Variants in SAMMSON observed in about 807,000 individuals in gnomAD.
The protein encoded by SAMMSON is survival associated mitochondrial melanoma specific oncogenic non-coding RNA.
At chr3:70,224,668 CA>C (rs944473142) in intron 4 of SAMMSON, among the ~76,000 whole-genome samples, 5 of 152,106 alleles carry the variant, frequency 3.3e-5, no homozygotes, top group African/African-American at 1.2e-4. Flanking sequence ...CTTGGGAATC[CA>C]CTCTCTGAGA....
intron 4 of SAMMSON, among the ~76,000 whole-genome samples, chr3:70,155,213 CT>C (rs2067587464): frequency 6.6e-6 from 1 of 151,888 alleles, no homozygotes; most frequent in Non-Finnish European, 1.5e-5. Flanking sequence ...TCAAGGGTCC[CT>C]AGGGGCCTTT....
At chr3:70,389,067 G>A (rs773035584) in intron 9 of SAMMSON, among the ~76,000 whole-genome samples, 11 of 151,946 alleles carry the variant, frequency 7.2e-5, no homozygotes, top group Non-Finnish European at 1.6e-4. Flanking sequence ...TTCCTCTCTT[G>A]CCGTGGGACC....
At chr3:70,399,846 C>G (rs1481533646) in intron 2 of SAMMSON, among the ~76,000 whole-genome samples, 2 of 147,524 alleles carry the variant, frequency 1.4e-5, no homozygotes, top group African/African-American at 2.5e-5. Flanking sequence ...CAGAGCAAGA[C>G]TCTGACTCAA....
intron 4 of SAMMSON, among the ~76,000 whole-genome samples, chr3:70,175,178 T>C (rs950092811): frequency 2.6e-5 from 4 of 152,108 alleles, no homozygotes; most frequent in African/African-American, 9.6e-5. Flanking sequence ...GCTAATGATA[T>C]GAATATAGGT....
intron 2 of SAMMSON, among the ~76,000 whole-genome samples, chr3:70,405,155 A>G (rs1575642548): frequency 1.3e-5 from 2 of 152,328 alleles, no homozygotes; most frequent in East Asian, 3.9e-4. Context: ...GGCATTTGGT[A>G]GATACCAAAT....
At chr3:70,131,750 T>C (rs1234500484) in intron 4 of SAMMSON, among the ~76,000 whole-genome samples, 1 of 151,982 alleles carries the variant, frequency 6.6e-6, no homozygotes, top group Non-Finnish European at 1.5e-5. Context: ...CCAGCTAGTT[T>C]TTTTGATTTT....
intron 6 of SAMMSON, among the ~76,000 whole-genome samples, chr3:70,268,862 C>T (rs1180294620): frequency 6.6e-6 from 1 of 152,000 alleles, no homozygotes; most frequent in Middle Eastern, 3.2e-3. Context: ...TTTATAAAAT[C>T]TCAGTTTATG....
At chr3:70,147,930 T>TA (rs909005457) in intron 4 of SAMMSON, among the ~76,000 whole-genome samples, 6 of 152,026 alleles carry the variant, frequency 3.9e-5, no homozygotes, top group Admixed American at 2.6e-4. Flanking sequence ...CCTGAATTTA[T>TA]AAAAAACCCT....
intron 4 of SAMMSON, among the ~76,000 whole-genome samples, chr3:70,158,699 G>A (rs1244852150): frequency 2.0e-5 from 3 of 152,002 alleles, no homozygotes; most frequent in African/African-American, 7.2e-5. Context: ...GCTTGTAACT[G>A]TAAATCCACA....
chr3:70,062,866 A>G (rs1211859226), intron 3 of SAMMSON, among the ~76,000 whole-genome samples: 8 of 152,114 alleles, frequency 5.3e-5, no homozygotes, highest in Admixed American at 5.2e-4. Context: ...GTCCAAAGTG[A>G]GCAGTTAGTA....
At chr3:70,213,733 T>G (rs1701373175) in intron 4 of SAMMSON, among the ~76,000 whole-genome samples, 2 of 152,154 alleles carry the variant, frequency 1.3e-5, no homozygotes, top group Non-Finnish European at 2.9e-5. Flanking sequence ...TTATACTCTC[T>G]GCAGCTTGGT....
At chr3:70,372,927 C>A (rs1025251396) in intron 9 of SAMMSON, among the ~76,000 whole-genome samples, 1 of 152,066 alleles carries the variant, frequency 6.6e-6, no homozygotes, top group Admixed American at 6.6e-5. Context: ...CTTTTAAGTT[C>A]TATTATTTTT....
chr3:70,410,594 A>C (rs1701210398), intron 2 of SAMMSON, among the ~76,000 whole-genome samples: 1 of 152,212 alleles, frequency 6.6e-6, no homozygotes, highest in Admixed American at 6.5e-5. Flanking sequence ...TCTTTACTGC[A>C]AGATTTTTTT....
rs75646261 is a variant in SAMMSON at position 70,241,534 on chromosome 3, A to T, written n.508-7573A>T. Among the ~76,000 whole-genome samples the T allele has an allele frequency of 6.8e-3, 1,035 of 152,240 alleles. 60 individuals carry two copies. In the East Asian group the frequency reaches 0.15, roughly 21 times the overall value. ...CCCTTTATTTTTATTATCACACTTG[A>T]ATCCTCATAACATTGCTAAAGGTAT... On this transcript the variant is annotated intron_variant and non_coding_transcript_variant, in intron 4 of 9. Transcript: ENST00000642114.
intron 3 of SAMMSON, among the ~76,000 whole-genome samples, chr3:70,046,020 A>T: frequency 6.6e-6 from 1 of 152,154 alleles, no homozygotes; most frequent in Non-Finnish European, 1.5e-5. Flanking sequence ...GGCAATTTTT[A>T]AAATGCAAGT....
chr3:70,386,973 T>A (rs1448249097), intron 9 of SAMMSON, among the ~76,000 whole-genome samples: 1 of 152,186 alleles, frequency 6.6e-6, no homozygotes, highest in East Asian at 1.9e-4. Context: ...GATGCCTTGG[T>A]CAGATCCCCA....
In SAMMSON at chr3:70,313,715, G is replaced by A. The variant is rs540528453; in HGVS notation, n.739+22472G>A. On this transcript the variant is annotated intron_variant and non_coding_transcript_variant, in intron 7 of 9. Transcript: ENST00000642114. Reference sequence around the variant, plus strand: ...CAGATTCCTTTATCCATTTCACCTCGTTTCCTAACTTCATTTCTTTATGTA... The same window carrying A: ...CAGATTCCTTTATCCATTTCACCTCATTTCCTAACTTCATTTCTTTATGTA... Among the ~76,000 whole-genome samples, 67 of 152,036 alleles carry A rather than the reference G, an allele frequency of 4.4e-4. No individual in the cohort carries two copies. The South Asian group carries it at 0.012, about 28-fold the overall frequency.
chr3:70,139,340 C>A (rs890559113), intron 4 of SAMMSON, among the ~76,000 whole-genome samples: 2 of 152,086 alleles, frequency 1.3e-5, no homozygotes, highest in African/African-American at 4.8e-5. Context: ...CCCAACCAAA[C>A]CTTAAGTCTT....
chr3:70,306,196 T>A (rs4546118), intron 7 of SAMMSON, among the ~76,000 whole-genome samples: 29,350 of 152,106 alleles, frequency 0.19, 2,950 homozygotes, highest in South Asian at 0.28. Flanking sequence ...CTCCGCCTCC[T>A]AGTTTCAAGT....
Sources: gnomAD v4.1 joint callset for allele counts (sites outside exome capture counted in the v4.1 genomes callset) on GRCh38, gnomAD v4.1.1 for gene constraint, MANE v1.5 for transcripts, NCBI Gene and HGNC (gene_info 2026-07-23, HGNC 2026-07-21) for gene names.